The following MYO16 variants were observed in gnomAD, a reference collection of about 807,000 sequenced individuals.
The protein encoded by MYO16 is unconventional myosin-XVI.
In MYO16, 94 loss-of-function variants were observed where a neutral mutation model predicts 205.3. The ratio of observed to expected loss-of-function variants is 0.46; its 90% CI spans 0.39 to 0.54. The LOEUF (loss-of-function observed/expected upper bound fraction) is 0.54, where lower values mean the gene tolerates loss of function less well. MYO16 is among the 20% of genes least tolerant of loss of function. MYO16 has a pLI of 0.00. For synonymous variants in MYO16, 988 were observed against 954.0 expected, an observed-to-expected ratio of 1.04 and a Z score of -0.66; for missense variants, 2,315 against 2,387.5, an observed-to-expected ratio of 0.97 and a Z score of 0.63.
intron 12 of MYO16, among the ~76,000 whole-genome samples, chr13:108,879,374 T>A (rs560406936): frequency 2.4e-4 from 36 of 152,178 alleles, no homozygotes; most frequent in Non-Finnish European, 4.9e-4. Context: ...CTTTTTTTTA[T>A]TATTATACTT....
chr13:109,048,310 C>T (rs1229650422), intron 24 of MYO16: 1 of 738,334 alleles, frequency 1.4e-6, no homozygotes, highest in Non-Finnish European at 2.5e-6. Flanking sequence ...CAGGAAAAAA[C>T]AATTCAGTCT....
At chr13:108,911,056 C>CACACACAG (rs1185594547) in intron 16 of MYO16, among the ~76,000 whole-genome samples, 1 of 133,876 alleles carries the variant, frequency 7.5e-6, no homozygotes, top group Non-Finnish European at 1.6e-5. Flanking sequence ...CACACACACA[C>CACACACAG]ACACACACAC....
At position 109,141,494 on chromosome 13, in the gene MYO16, C is replaced by A; in HGVS notation, c.5164+118C>A. The A allele has an allele frequency of 2.9e-6, 2 of 687,224 alleles. No homozygotes were observed. Among genetic ancestry groups the A allele is most frequent in the South Asian group, 3.0e-5 (1 of 32,984 alleles). 42.6% of individuals were successfully genotyped at this position (687,224 alleles called of 1,614,324 possible). A position where few individuals can be genotyped will look rare whatever the true frequency, so the allele number is the denominator to read the frequency against. On this transcript the variant is annotated intron_variant, in intron 32 of 34. Coordinates refer to ENST00000457511, the MANE Select transcript of MYO16 (RefSeq NM_001198950.3). This position sits in a 1 kb window ranked among gnomAD's most constrained non-coding sequence, Gnocchi z 4.1. ...TAAAGTTTCAGGTGATGGCCGTGGT[C>A]GTTCAGAGCAGATATCAGCTTTAAA...
intron 15 of MYO16, among the ~76,000 whole-genome samples, chr13:108,909,786 T>C (rs915116034): frequency 6.6e-6 from 1 of 152,156 alleles, no homozygotes; most frequent in African/African-American, 2.4e-5. Flanking sequence ...CTTTGTTGGA[T>C]ATGGGACAAG....
chr13:109,083,204 G>A (rs1049245533), intron 27 of MYO16, among the ~76,000 whole-genome samples: 15 of 151,766 alleles, frequency 9.9e-5, no homozygotes, highest in African/African-American at 3.1e-4. Flanking sequence ...CCAACATGGC[G>A]AAACCCTGTC....
chr13:109,024,400 T>C (rs1447745172), intron 23 of MYO16, among the ~76,000 whole-genome samples: 1 of 152,072 alleles, frequency 6.6e-6, no homozygotes, highest in East Asian at 1.9e-4. Flanking sequence ...GCACTAGATG[T>C]TCAATAAATG....
the MYO16 span, among the ~76,000 whole-genome samples, chr13:108,564,489 C>T: frequency 6.6e-6 from 1 of 152,044 alleles, no homozygotes; most frequent in African/African-American, 2.4e-5. Context: ...ATTTTAAAAT[C>T]AGATGATTAG....
intron 23 of MYO16, among the ~76,000 whole-genome samples, chr13:109,032,815 A>G (rs762572802): frequency 2.0e-5 from 3 of 152,178 alleles, no homozygotes; most frequent in Non-Finnish European, 4.4e-5. Flanking sequence ...CTTTAACTAC[A>G]TGGAAATGTA....
At chr13:108,893,079 G>C (rs1453692464) in intron 14 of MYO16, among the ~76,000 whole-genome samples, 1 of 152,118 alleles carries the variant, frequency 6.6e-6, no homozygotes, top group Non-Finnish European at 1.5e-5. Flanking sequence ...TTTGAGCATG[G>C]CTTAAATTCC....
At chr13:108,620,789 A>C (rs548775907) in intron 1 of MYO16, among the ~76,000 whole-genome samples, 4 of 152,066 alleles carry the variant, frequency 2.6e-5, no homozygotes, top group African/African-American at 4.8e-5. Flanking sequence ...CTTCCCAAAC[A>C]CACTATCCTC....
intron 4 of MYO16, among the ~76,000 whole-genome samples, chr13:108,748,271 AG>A (rs978419854): frequency 3.2e-4 from 48 of 152,224 alleles, no homozygotes; most frequent in African/African-American, 9.9e-4. Flanking sequence ...AGCCCAAAAA[AG>A]TCTCAGGATT....
intron 21 of MYO16, among the ~76,000 whole-genome samples, chr13:109,002,368 G>T (rs1324929920): frequency 6.6e-6 from 1 of 152,190 alleles, no homozygotes; most frequent in Non-Finnish European, 1.5e-5. Context: ...ATTTACTCAA[G>T]AAATTGTTTG....
intron 22 of MYO16, among the ~76,000 whole-genome samples, chr13:109,015,777 A>G (rs1009836938): frequency 2.0e-5 from 3 of 152,146 alleles, no homozygotes; most frequent in Non-Finnish European, 4.4e-5. Context: ...CTCTGATGGT[A>G]GTTTGTATTT....
intron 28 of MYO16, among the ~76,000 whole-genome samples, chr13:109,104,972 C>G (rs1293338156): frequency 6.6e-6 from 1 of 152,178 alleles, no homozygotes; most frequent in Non-Finnish European, 1.5e-5. Context: ...CCTTAACATG[C>G]TGTTCACCAC....
chr13:108,931,257 T>C (rs1379345141), intron 16 of MYO16, among the ~76,000 whole-genome samples: 1 of 152,236 alleles, frequency 6.6e-6, no homozygotes, highest in African/African-American at 2.4e-5. Context: ...TATCTCTGTC[T>C]ATTCTCATTC....
At chr13:108,676,334 TATTC>T (rs1882201850) in intron 2 of MYO16, among the ~76,000 whole-genome samples, 2 of 151,852 alleles carry the variant, frequency 1.3e-5, no homozygotes, top group Non-Finnish European at 2.9e-5. Context: ...GCAATATTTT[TATTC>T]ATTGTTTTCT....
At chr13:108,972,374 A>ATC (rs1884080899) in intron 20 of MYO16, among the ~76,000 whole-genome samples, 1 of 58,980 alleles carries the variant, frequency 1.7e-5, no homozygotes, top group East Asian at 5.4e-4. Context: ...ATATATATAT[A>ATC]TATATATATA....
intron 4 of MYO16, among the ~76,000 whole-genome samples, chr13:108,746,735 G>A (rs542286919): frequency 3.7e-4 from 57 of 152,096 alleles, no homozygotes; most frequent in South Asian, 3.3e-3. Flanking sequence ...ATGGCCAAAC[G>A]CTTTCTGAAA....
At chr13:108,778,411 G>A (rs1394827019) in intron 4 of MYO16, among the ~76,000 whole-genome samples, 1 of 152,154 alleles carries the variant, frequency 6.6e-6, no homozygotes, top group Non-Finnish European at 1.5e-5. Context: ...TTGAGGTCAG[G>A]AGTTCAAGAC....
Sources: allele counts gnomAD v4.1 joint callset (sites outside exome capture counted in the v4.1 genomes callset), GRCh38; gene constraint gnomAD v4.1.1; non-coding constraint Gnocchi (gnomAD v3.1); transcripts MANE v1.5; gene names NCBI Gene and HGNC (gene_info 2026-07-23, HGNC 2026-07-21).